The following AGBL4 variants were observed in gnomAD, a reference collection of about 807,000 sequenced individuals.
AGBL4 encodes the protein cytosolic carboxypeptidase 6.
A neutral mutation model predicts 66.4 loss-of-function variants in AGBL4; 58 were observed. The observed-to-expected ratio is 0.87, with a 90% CI of 0.71 to 1.09. The LOEUF (loss-of-function observed/expected upper bound fraction) is 1.09, where lower values mean the gene tolerates loss of function less well. Ranked by LOEUF, AGBL4 falls within the 50% of genes least tolerant of loss-of-function variation. AGBL4 has a pLI of 0.00. For synonymous variants in AGBL4, 234 were observed against 222.9 expected, an observed-to-expected ratio of 1.05 and a Z score of -0.44; for missense variants, 579 against 631.0, an observed-to-expected ratio of 0.92 and a Z score of 0.88.
chr1:49,959,435 A>T (rs1205574709), intron 1 of AGBL4, among the ~76,000 whole-genome samples: 2 of 152,086 alleles, frequency 1.3e-5, no homozygotes, highest in African/African-American at 4.8e-5. Flanking sequence ...AGCTGAGTTG[A>T]GGGACAGTTC....
chr1:49,784,217 C>T (rs911196234), intron 2 of AGBL4, among the ~76,000 whole-genome samples: 2 of 152,164 alleles, frequency 1.3e-5, no homozygotes, highest in Non-Finnish European at 2.9e-5. Context: ...GCACCCTTCC[C>T]TATTTCAAAA....
chr1:48,777,781 C>A (rs1645167834), intron 6 of AGBL4, among the ~76,000 whole-genome samples: 1 of 152,134 alleles, frequency 6.6e-6, no homozygotes. Context: ...AACTTGGAAT[C>A]GCGGAGGGAG....
chr1:49,496,188 C>T (rs1445656109), intron 3 of AGBL4, among the ~76,000 whole-genome samples: 1 of 151,884 alleles, frequency 6.6e-6, no homozygotes, highest in African/African-American at 2.4e-5. Context: ...CTAAGTCAGT[C>T]CTAAGAGATT....
chr1:49,029,105 C>T (rs546058743), intron 5 of AGBL4, among the ~76,000 whole-genome samples: 1 of 152,218 alleles, frequency 6.6e-6, no homozygotes, highest in South Asian at 2.1e-4. Context: ...AAGCTAATGT[C>T]ATATTTAATG....
intron 2 of AGBL4, among the ~76,000 whole-genome samples, chr1:49,735,593 A>G (rs1024631092): frequency 1.3e-5 from 2 of 152,156 alleles, no homozygotes; most frequent in African/African-American, 4.8e-5. Context: ...ATATACCAGC[A>G]ACAGGAAATG....
chr1:49,833,145 T>A (rs1645744422), intron 2 of AGBL4, among the ~76,000 whole-genome samples: 1 of 152,244 alleles, frequency 6.6e-6, no homozygotes, highest in Non-Finnish European at 1.5e-5. Context: ...TTTAAGTCTT[T>A]AATCCATCTT....
chr1:48,846,588 G>T (rs1646922839), intron 6 of AGBL4, among the ~76,000 whole-genome samples: 1 of 152,030 alleles, frequency 6.6e-6, no homozygotes, highest in African/African-American at 2.4e-5. Flanking sequence ...TTTATTTCAT[G>T]ACTTTTGGCA....
At chr1:49,781,407 A>G (rs1260211443) in intron 2 of AGBL4, among the ~76,000 whole-genome samples, 4 of 152,136 alleles carry the variant, frequency 2.6e-5, no homozygotes, top group African/African-American at 7.2e-5. Context: ...TAAAAAAACA[A>G]TATTATTAGA....
intron 6 of AGBL4, among the ~76,000 whole-genome samples, chr1:48,710,308 C>G (rs1366572128): frequency 1.3e-5 from 2 of 152,178 alleles, no homozygotes; most frequent in Non-Finnish European, 2.9e-5. Context: ...GGGCTTCTTA[C>G]TGTACTTACA....
chr1:49,010,154 T>C lies in AGBL4; in HGVS notation c.594+35430A>G, dbSNP rs564636190. Among the ~76,000 whole-genome samples the C allele has an allele frequency of 5.9e-5, 9 of 152,150 alleles. No homozygotes were observed. The South Asian group carries it at 1.9e-3, about 32-fold the overall frequency. ...TCCATTGACTCAGCCCAAAATCTCC[T>C]TAAGCTGATAAGCAACTTCAGCAAA... On this transcript the variant is annotated intron_variant, in intron 5 of 13. Coordinates refer to ENST00000371839, the MANE Select transcript of AGBL4 (RefSeq NM_032785.4).
chr1:48,931,911 C>G (rs1221610755), intron 5 of AGBL4, among the ~76,000 whole-genome samples: 2 of 152,140 alleles, frequency 1.3e-5, no homozygotes, highest in African/African-American at 4.8e-5. Context: ...ACCTTCCTTT[C>G]CTCCTGGCTC....
intron 4 of AGBL4, among the ~76,000 whole-genome samples, chr1:49,233,780 A>T (rs552340269): frequency 4.5e-4 from 69 of 152,300 alleles, no homozygotes; most frequent in Non-Finnish European, 8.4e-4. Flanking sequence ...ATTTGAGTAA[A>T]TATTTGAAGT....
chr1:49,161,509 C>A (rs1413571480), intron 4 of AGBL4, among the ~76,000 whole-genome samples: 1 of 152,202 alleles, frequency 6.6e-6, no homozygotes, highest in Admixed American at 6.5e-5. Flanking sequence ...ATCTTGCCAG[C>A]AATCTCCCAA....
chr1:49,843,296 T>TTTTG (rs1553132575), intron 2 of AGBL4, among the ~76,000 whole-genome samples: 4 of 147,784 alleles, frequency 2.7e-5, no homozygotes, highest in Non-Finnish European at 6.0e-5. Flanking sequence ...CTAGCTAATT[T>TTTTG]TGTGTGTGTG....
intron 5 of AGBL4, among the ~76,000 whole-genome samples, chr1:48,988,932 C>G (rs886302730): frequency 5.9e-5 from 9 of 152,120 alleles, no homozygotes; most frequent in African/African-American, 2.2e-4. Context: ...TGGACTAACT[C>G]CATTCATTCC....
chr1:49,080,680 T>C (rs1250325461), intron 4 of AGBL4, among the ~76,000 whole-genome samples: 1 of 152,184 alleles, frequency 6.6e-6, no homozygotes. Flanking sequence ...TTGAAGTTCA[T>C]GGAAAGCTTT....
At chr1:49,852,449 G>C (rs922532470) in intron 1 of AGBL4, among the ~76,000 whole-genome samples, 2 of 152,178 alleles carry the variant, frequency 1.3e-5, no homozygotes, top group African/African-American at 4.8e-5. Context: ...CTGCTGTACA[G>C]GTCTCTACCA....
chr1:48,763,210 A>G (rs1644364949), intron 6 of AGBL4, among the ~76,000 whole-genome samples: 4 of 152,202 alleles, frequency 2.6e-5, no homozygotes, highest in African/African-American at 9.7e-5. Flanking sequence ...AATAACCCCT[A>G]CTGATGAAAA....
chr1:48,775,033 C>G (rs537589060), intron 6 of AGBL4, among the ~76,000 whole-genome samples: 1 of 152,184 alleles, frequency 6.6e-6, no homozygotes, highest in Non-Finnish European at 1.5e-5. Flanking sequence ...TCAAGCCTAT[C>G]GTCTTGGGAA....
Sources: allele counts gnomAD v4.1 joint callset (sites outside exome capture counted in the v4.1 genomes callset), GRCh38; gene constraint gnomAD v4.1.1; transcripts MANE v1.5; gene names NCBI Gene and HGNC (gene_info 2026-07-23, HGNC 2026-07-21).